Variants in FRMD5 observed in about 807,000 individuals in gnomAD.
FRMD5 encodes FERM domain containing 5.
A neutral mutation model predicts 69.0 loss-of-function variants in FRMD5; 20 were observed. The observed-to-expected ratio is 0.29, with a 90% CI of 0.20 to 0.42. The LOEUF (loss-of-function observed/expected upper bound fraction) is 0.42. FRMD5 is among the 10% of genes least tolerant of loss of function. FRMD5 has a pLI of 1.00. For missense variants in FRMD5, 595 were observed against 708.6 expected, an observed-to-expected ratio of 0.84 and a Z score of 1.82; for synonymous variants, 271 against 260.1, an observed-to-expected ratio of 1.04 and a Z score of -0.40.
intron 1 of FRMD5, among the ~76,000 whole-genome samples, chr15:44,074,175 T>C (rs1217025222): frequency 6.6e-6 from 1 of 152,220 alleles, no homozygotes; most frequent in African/African-American, 2.4e-5. Flanking sequence ...TTAGACAATA[T>C]TATTGATTTT....
At chr15:44,097,548 C>T (rs188591583) in intron 1 of FRMD5, among the ~76,000 whole-genome samples, 329 of 152,336 alleles carry the variant, frequency 2.2e-3, no homozygotes, top group Non-Finnish European at 4.1e-3. Flanking sequence ...CTGAAGAAAG[C>T]AGTGTACCTC....
intron 1 of FRMD5, among the ~76,000 whole-genome samples, chr15:44,019,826 C>T (rs908729241): frequency 6.0e-5 from 9 of 150,172 alleles, no homozygotes; most frequent in African/African-American, 1.5e-4. Flanking sequence ...ATCCTTGGCA[C>T]GGTGTCTAAT....
rs137891871 is a variant in FRMD5 at position 43,950,675 on chromosome 15, C to G, written c.103-26366G>C. On this transcript the variant is annotated intron_variant, in intron 1 of 13. Coordinates refer to ENST00000417257, the MANE Select transcript of FRMD5 (RefSeq NM_032892.5). Reference sequence around the variant, plus strand: ...TCCCCAGAGTGAGCTCAGCTTGGGACCTGGCATCCTGAGATGATGAAGAGA... The same window carrying G: ...TCCCCAGAGTGAGCTCAGCTTGGGAGCTGGCATCCTGAGATGATGAAGAGA... Among the ~76,000 whole-genome samples, 9 of 152,258 alleles carry G rather than the reference C, an allele frequency of 5.9e-5. No homozygotes were observed. The East Asian group carries it at 1.7e-3, about 29-fold the overall frequency.
intron 1 of FRMD5, among the ~76,000 whole-genome samples, chr15:43,929,292 G>A (rs1258068823): frequency 6.6e-6 from 1 of 152,108 alleles, no homozygotes; most frequent in Non-Finnish European, 1.5e-5. Context: ...TCTCATCATC[G>A]ATATCCATGG....
At chr15:43,904,373 A>AT (rs1296521856) in intron 6 of FRMD5, among the ~76,000 whole-genome samples, 1 of 151,684 alleles carries the variant, frequency 6.6e-6, no homozygotes, top group Non-Finnish European at 1.5e-5. Flanking sequence ...ACTTTTTTTT[A>AT]TTTTTAATTT....
chr15:43,879,807 C>G (rs975772244), intron 13 of FRMD5: 2 of 397,070 alleles, frequency 5.0e-6, no homozygotes, highest in Non-Finnish European at 8.9e-6. Flanking sequence ...GATCCCACAT[C>G]ATAGCAGCCC....
intron 1 of FRMD5, among the ~76,000 whole-genome samples, chr15:44,134,751 C>T (rs944300486): frequency 1.3e-5 from 2 of 152,016 alleles, no homozygotes; most frequent in Admixed American, 1.3e-4. Flanking sequence ...CGCCCAGCCC[C>T]GAGAGGTGTA....
Position 44,124,165 on chromosome 15 carries a change from G to T in FRMD5, c.102+70788C>A, listed in dbSNP as rs1182443889. 2.0e-5 allele frequency among the ~76,000 whole-genome samples: 3 copies of T among 151,772 alleles called. No individual in the cohort carries two copies. In the East Asian group the frequency reaches 5.9e-4, roughly 30 times the overall value. The stretch of plus-strand genomic sequence containing the variant: ...TCACCACCATGCCTGGCTATTTTTT[G>T]TATTTTTAGTAGAGATGGGGTTTCA... On this transcript the variant is annotated intron_variant, in intron 1 of 13. Coordinates refer to ENST00000417257, the MANE Select transcript of FRMD5 (RefSeq NM_032892.5).
intron 9 of FRMD5, among the ~76,000 whole-genome samples, chr15:43,888,530 G>A (rs2088717839): frequency 6.6e-6 from 1 of 152,186 alleles, no homozygotes; most frequent in African/African-American, 2.4e-5. Flanking sequence ...CCTTGCCTCT[G>A]GAATTCCCAT....
intron 1 of FRMD5, among the ~76,000 whole-genome samples, chr15:43,962,985 T>C (rs896921459): frequency 1.8e-4 from 28 of 152,136 alleles, no homozygotes; most frequent in African/African-American, 2.7e-4. Context: ...CCATTCAGGA[T>C]ATAGGCATGG....
intron 6 of FRMD5, among the ~76,000 whole-genome samples, chr15:43,904,256 T>G (rs938873099): frequency 6.6e-6 from 1 of 152,232 alleles, no homozygotes. Context: ...ATTAGAAATA[T>G]CCAGCTCTGC....
At chr15:44,140,696 T>A (rs2114415) in intron 1 of FRMD5, among the ~76,000 whole-genome samples, 5 of 151,490 alleles carry the variant, frequency 3.3e-5, no homozygotes, top group Non-Finnish European at 4.4e-5. Context: ...CTGGGCAACA[T>A]GGCAAAACCC....
At position 43,937,707 on chromosome 15, in the gene FRMD5, T is replaced by C. The variant is rs1339392135; in HGVS notation, c.103-13398A>G. 4.0e-5 allele frequency among the ~76,000 whole-genome samples: 6 copies of C among 149,974 alleles called. No individual in the cohort carries two copies. The South Asian group carries it at 6.3e-4, about 16-fold the overall frequency. Reference sequence around the variant, plus strand: ...TCCATGGAAAAGAGGGGGAGAAAGCTGGAGTGAGCAGAGGGAGAAGCTGAG... The same window carrying C: ...TCCATGGAAAAGAGGGGGAGAAAGCCGGAGTGAGCAGAGGGAGAAGCTGAG... On this transcript the variant is annotated intron_variant, in intron 1 of 13. Transcript: ENST00000417257.
chr15:44,026,004 G>T, intron 1 of FRMD5, among the ~76,000 whole-genome samples: 1 of 152,148 alleles, frequency 6.6e-6, no homozygotes, highest in East Asian at 1.9e-4. Context: ...GTGGGGCAGA[G>T]TCTCACTCTG....
rs202159767 is a variant in FRMD5 at position 44,134,676 on chromosome 15, C to G, written c.102+60277G>C. On this transcript the variant is annotated intron_variant, in intron 1 of 13. Transcript: ENST00000417257. Reference sequence around the variant, plus strand: ...TGTTGGCCAGGCTGGTCTTGTACTCCCGACCTCAAATGATCCACCCTCCTC... The same window carrying G: ...TGTTGGCCAGGCTGGTCTTGTACTCGCGACCTCAAATGATCCACCCTCCTC... Among the ~76,000 whole-genome samples, 11 of 152,270 alleles carry G rather than the reference C, an allele frequency of 7.2e-5. No homozygotes were observed. The East Asian group carries it at 2.1e-3, about 29-fold the overall frequency.
intron 1 of FRMD5, among the ~76,000 whole-genome samples, chr15:44,037,550 C>T (rs1349059728): frequency 1.3e-5 from 2 of 151,168 alleles, no homozygotes; most frequent in Non-Finnish European, 2.9e-5. Context: ...TCACTGCAAC[C>T]TCTGCCTCCC....
At chr15:44,191,369 C>G (rs1260510335) in intron 1 of FRMD5, among the ~76,000 whole-genome samples, 1 of 151,856 alleles carries the variant, frequency 6.6e-6, no homozygotes, top group Non-Finnish European at 1.5e-5. Flanking sequence ...GGGTGGATCA[C>G]GAGGTCAAGA....
intron 2 of FRMD5, among the ~76,000 whole-genome samples, chr15:43,923,337 T>C (rs2089529166): frequency 2.0e-5 from 3 of 152,200 alleles, no homozygotes; most frequent in Non-Finnish European, 4.4e-5. Context: ...TAATAAGTGC[T>C]ATAACAGGGT....
chr15:44,113,968 C>G (rs1312179884), intron 1 of FRMD5, among the ~76,000 whole-genome samples: 2 of 152,122 alleles, frequency 1.3e-5, no homozygotes, highest in Non-Finnish European at 2.9e-5. Flanking sequence ...GAAGACAAAA[C>G]TAAACATGAA....
Sources: gnomAD v4.1 joint callset for allele counts (sites outside exome capture counted in the v4.1 genomes callset) on GRCh38, gnomAD v4.1.1 for gene constraint, MANE v1.5 for transcripts, NCBI Gene and HGNC (gene_info 2026-07-23, HGNC 2026-07-21) for gene names.